ZFR: variants seen among roughly 807,000 people sequenced by gnomAD.
The protein encoded by ZFR is zinc finger RNA-binding protein.
A neutral mutation model predicts 130.7 loss-of-function variants in ZFR; 19 were observed. That is an observed-to-expected ratio of 0.15 (90% CI 0.10 to 0.21). The LOEUF (loss-of-function observed/expected upper bound fraction) is 0.21. ZFR is among the 10% of genes least tolerant of loss of function. The pLI, the probability that ZFR is intolerant of heterozygous loss-of-function variation, is 1.00. For missense variants in ZFR, 872 were observed against 1,321.5 expected (o/e 0.66, Z 5.27); for synonymous variants, 466 against 456.9 (o/e 1.02, Z -0.25).
At chr5:32,368,036 T>A (rs1159464427) in intron 17 of ZFR, among the ~76,000 whole-genome samples, 1 of 152,198 alleles carries the variant, frequency 6.6e-6, no homozygotes, top group African/African-American at 2.4e-5. Context: ...ATAAGTATCT[T>A]TCATCAATGG....
intron 15 of ZFR, among the ~76,000 whole-genome samples, chr5:32,384,456 T>A (rs887613133): frequency 1.3e-5 from 2 of 152,324 alleles, no homozygotes; most frequent in South Asian, 2.1e-4. Flanking sequence ...TCCTGGGTTG[T>A]GAAAAGCCCA....
intron 5 of ZFR, among the ~76,000 whole-genome samples, chr5:32,410,989 T>C (rs957518235): frequency 3.9e-5 from 6 of 152,236 alleles, no homozygotes; most frequent in Admixed American, 3.9e-4. Flanking sequence ...TTCTACCTAG[T>C]GCTGTTTCCA....
At chr5:32,413,435 T>C (rs1333488374) in intron 5 of ZFR, among the ~76,000 whole-genome samples, 1 of 152,130 alleles carries the variant, frequency 6.6e-6, no homozygotes, top group Non-Finnish European at 1.5e-5. Context: ...TGCACTAAAA[T>C]GTTAATGACA....
chr5:32,426,318 T>G (rs1279391272), intron 2 of ZFR, among the ~76,000 whole-genome samples: 1 of 150,096 alleles, frequency 6.7e-6, no homozygotes, highest in Non-Finnish European at 1.5e-5. Context: ...TACACATTAA[T>G]AAAATGGAAG....
chr5:32,405,703 A>C (rs1390433727), intron 6 of ZFR, among the ~76,000 whole-genome samples: 1 of 151,862 alleles, frequency 6.6e-6, no homozygotes, highest in Non-Finnish European at 1.5e-5. Flanking sequence ...TTTCATGTTT[A>C]CTCCAGGTCC....
chr5:32,377,781 G>A (rs898050247), intron 17 of ZFR, among the ~76,000 whole-genome samples: 1 of 151,810 alleles, frequency 6.6e-6, no homozygotes, highest in Non-Finnish European at 1.5e-5. Flanking sequence ...CCACCTCCCG[G>A]GTTCAAGTGA....
intron 8 of ZFR, 152 bp downstream of exon 8, chr5:32,402,954 T>C: frequency 2.9e-6 from 2 of 695,242 alleles, no homozygotes; most frequent in East Asian, 2.7e-5. Flanking sequence ...AAATTAAAAA[T>C]ACACACACAC....
intron 15 of ZFR, among the ~76,000 whole-genome samples, chr5:32,384,413 G>A (rs2111720729): frequency 6.6e-6 from 1 of 152,252 alleles, no homozygotes; most frequent in South Asian, 2.1e-4. Context: ...ATTAGACATA[G>A]CTCCCAATGA....
chr5:32,386,518 C>T (rs1356823762), intron 14 of ZFR, among the ~76,000 whole-genome samples: 4 of 152,016 alleles, frequency 2.6e-5, no homozygotes, highest in East Asian at 1.9e-4. Context: ...AGATGTTTCT[C>T]GCAAATTCTA....
At chr5:32,441,107 G>A (rs1420778479) in intron 2 of ZFR, among the ~76,000 whole-genome samples, 1 of 152,120 alleles carries the variant, frequency 6.6e-6, no homozygotes, top group Non-Finnish European at 1.5e-5. Flanking sequence ...CAGAGTAGCT[G>A]GGATTACAGG....
intron 4 of ZFR, among the ~76,000 whole-genome samples, chr5:32,415,523 C>CGAGCGT (rs781310157): frequency 1.5e-5 from 2 of 132,036 alleles, no homozygotes; most frequent in Non-Finnish European, 3.3e-5. Flanking sequence ...TGTGCGCGCG[C>CGAGCGT]GCGCGCGCGC....
Position 32,420,053 on chromosome 5 carries a change from C to T in ZFR, c.188G>A (p.Ser63Asn). The T allele has an allele frequency of 6.2e-7, 1 of 1,612,164 alleles. No homozygotes were observed. Among genetic ancestry groups the T allele is most frequent in the Non-Finnish European group, 8.5e-7 (1 of 1,179,006 alleles). ...TACTGGAGCCTGATGGACAGTGTAG[C>T]TAGCAACTGTAGTTGGATGAGAATA... ...VAYSHPTTVA[S>N]YTVHQAPVAA... The change falls in exon 3 of 20, where the codon AGC (serine) becomes AAC (asparagine). Residue 63 changes from serine to asparagine, a missense_variant. Around this residue, in one of 7 missense-constraint regions of ZFR, gnomAD observed 240 missense variants for 441.2 expected, o/e 0.54. Coordinates refer to ENST00000265069, the MANE Select transcript of ZFR (RefSeq NM_016107.5).
intron 2 of ZFR, among the ~76,000 whole-genome samples, chr5:32,441,166 C>T (rs1056693334): frequency 2.0e-5 from 3 of 152,050 alleles, no homozygotes; most frequent in Non-Finnish European, 4.4e-5. Context: ...TAGTAGAGAC[C>T]GGGTTTCGCC....
chr5:32,367,999 TTA>T (rs1379741569), intron 17 of ZFR, among the ~76,000 whole-genome samples: 1 of 152,180 alleles, frequency 6.6e-6, no homozygotes, highest in Non-Finnish European at 1.5e-5. Context: ...CTTCTTTCCC[TTA>T]TGTTTTCTTT....
chr5:32,360,322 T>C (rs894575619), intron 19 of ZFR, among the ~76,000 whole-genome samples: 1 of 152,232 alleles, frequency 6.6e-6, no homozygotes, highest in East Asian at 1.9e-4. Flanking sequence ...ATCACTATTA[T>C]CTTATCCTAG....
chr5:32,425,350 T>C (rs1347087434), intron 2 of ZFR, among the ~76,000 whole-genome samples: 2 of 152,216 alleles, frequency 1.3e-5, no homozygotes, highest in African/African-American at 2.4e-5. Context: ...GAGGCCAGGC[T>C]GCCTTCATAT....
chr5:32,413,018 G>C (rs866114737), intron 5 of ZFR, among the ~76,000 whole-genome samples: 3 of 152,020 alleles, frequency 2.0e-5, no homozygotes, highest in Middle Eastern at 3.2e-3. Context: ...GCGAAACCCT[G>C]TCTCTACTAA....
chr5:32,390,310 G>C lies in ZFR; in HGVS notation c.2107C>G (p.Arg703Gly). Reference sequence around the variant, plus strand: ...TGAGGCTGAGGAGGCATGCCTGGTCGGACTCCCAGAAGGCCTAATGGGCCT... The same window carrying C: ...TGAGGCTGAGGAGGCATGCCTGGTCCGACTCCCAGAAGGCCTAATGGGCCT... ...PPGPLGLLGV[R>G]PGMPPQPQGP... The change falls in exon 12 of 20, where the codon CGA (arginine) becomes GGA (glycine). Residue 703 changes from arginine (R) to glycine (G), a missense_variant. This residue lies in a region of ZFR where 225 missense variants were observed against 282.4 expected (regional missense o/e 0.80). Coordinates refer to ENST00000265069, the MANE Select transcript of ZFR (RefSeq NM_016107.5). 6.2e-7 allele frequency: 1 copy of C among 1,614,032 alleles called. No homozygotes were observed. Among genetic ancestry groups the C allele is most frequent in the Non-Finnish European group, 8.5e-7 (1 of 1,179,938 alleles).
At chr5:32,432,483 C>T (rs76705927) in intron 2 of ZFR, among the ~76,000 whole-genome samples, 1,643 of 152,084 alleles carry the variant, frequency 0.011, 14 homozygotes, top group South Asian at 0.058. Flanking sequence ...AAGTCTTCTG[C>T]CAATTTTTAA....
Sources: gnomAD v4.1 joint callset for allele counts (sites outside exome capture counted in the v4.1 genomes callset) on GRCh38, gnomAD v4.1.1 for gene constraint, gnomAD v4.1.1 regional missense constraint, MANE v1.5 for transcripts, NCBI Gene and HGNC (gene_info 2026-07-23, HGNC 2026-07-21) for gene names.